Variants in SLC9A3 observed in about 807,000 individuals in gnomAD.
SLC9A3 encodes the protein sodium/hydrogen exchanger 3.
A neutral mutation model predicts 86.8 loss-of-function variants in SLC9A3; 37 were observed. That is an observed-to-expected ratio of 0.43 (90% CI 0.33 to 0.56). The LOEUF is 0.56. Ranked by LOEUF, SLC9A3 falls within the 20% of genes least tolerant of loss-of-function variation. The pLI is 0.06. For synonymous variants in SLC9A3, 581 were observed against 528.3 expected (o/e 1.10, Z -1.37); for missense variants, 1,011 against 1,171.9 (o/e 0.86, Z 2.00).
At position 491,970 on chromosome 5, in the gene SLC9A3, T is replaced by C. The variant is rs746691223; in HGVS notation, c.313A>G (p.Ile105Val). 10 of 1,606,976 alleles carry C rather than the reference T, an allele frequency of 6.2e-6. No individual in the cohort carries two copies. In the South Asian group the frequency reaches 7.8e-5, roughly 12 times the overall value. Residue 105 changes from isoleucine to valine, a missense_variant, in exon 2 of 17, where the codon ATC becomes GTC. By Grantham distance (29) the Ile-to-Val change is conservative. Around this residue, in one of 3 missense-constraint regions of SLC9A3, gnomAD observed 565 missense variants for 790.0 expected, o/e 0.72. Coordinates refer to ENST00000264938, the MANE Select transcript of SLC9A3 (RefSeq NM_004174.4). This position sits in a 1 kb window ranked among gnomAD's most constrained non-coding sequence, Gnocchi z 9.2. ...LGGIVWAADH[I>V]ASFTLTPTVF... ...GTGGGCGTCAGTGTGAAGGACGCGA[T>C]GTGGTCGGCCGCCCAGACGATGCCG...
chr5:495,082 C>A lies in SLC9A3; in HGVS notation c.212-3011G>T, dbSNP rs562048597. Among the ~76,000 whole-genome samples, 309 of 144,402 alleles carry A rather than the reference C, an allele frequency of 2.1e-3. 1 individual carries two copies. The highest frequency in any genetic ancestry group is 3.5e-3 in the Middle Eastern group (1 of 284). 94.7% of individuals were successfully genotyped at this position (144,402 alleles called of 152,430 possible). A position where few individuals can be genotyped will look rare whatever the true frequency, so the allele number is the denominator to read the frequency against. On this transcript the variant is annotated intron_variant, in intron 1 of 16. Coordinates refer to ENST00000264938, the MANE Select transcript of SLC9A3 (RefSeq NM_004174.4). ...TAAAATCCAGCGACCACAGAGACCG[C>A]GTGTCCCCAGGTGGGGGGGCGCCGT...
chr5:493,834 G>A (rs560667866), intron 1 of SLC9A3, among the ~76,000 whole-genome samples: 77 of 152,250 alleles, frequency 5.1e-4, no homozygotes, highest in African/African-American at 1.4e-3. Flanking sequence ...CCCCCACTCC[G>A]GGCTGCACAT....
chr5:497,818 G>A lies in SLC9A3; in HGVS notation c.212-5747C>T, dbSNP rs1191857889. 5.3e-5 allele frequency among the ~76,000 whole-genome samples: 2 copies of A among 37,870 alleles called. No individual in the cohort carries two copies. Among genetic ancestry groups the A allele is most frequent in the East Asian group, 8.4e-4 (1 of 1,186 alleles). 24.8% of individuals were successfully genotyped at this position (37,870 alleles called of 152,430 possible). On this transcript the variant is annotated intron_variant, in intron 1 of 16. Transcript: ENST00000264938. This position sits in a 1 kb window ranked among gnomAD's most constrained non-coding sequence, Gnocchi z 5.4. The stretch of plus-strand genomic sequence containing the variant: ...GCCCCTGTCCCGGGTGGGGTCGCCC[G>A]GCCGCATCCCCAGCCTCTGCCCCTG...
In SLC9A3 at chr5:475,010, G is replaced by A. The variant is rs368047255; in HGVS notation, c.2374C>T (p.Pro792Ser). Residue 792 changes from proline to serine, a missense_variant, in exon 16 of 17, where the codon CCC becomes TCC. By Grantham distance (74) the Pro-to-Ser change is moderately conservative (BLOSUM62 -1). Transcript: ENST00000264938. ...CGGCAGAAGGTGCCGGGAGAGTAGG[G>A]AATCTGCGTGCGGGCCCTCTGCGAG... ...VPSQRARTQI[P>S]YSPGTFCRLM... is the part of the protein sequence containing the mutation. The A allele has an allele frequency of 4.0e-5, 64 of 1,612,266 alleles. 1 individual carries two copies. The highest frequency in any genetic ancestry group is 5.3e-5 in the Non-Finnish European group (63 of 1,179,788).
intron 6 of SLC9A3, among the ~76,000 whole-genome samples, 188 bp from the exon 7 acceptor site, chr5:482,938 C>T (rs1040687309): frequency 1.5e-4 from 23 of 151,248 alleles, no homozygotes; most frequent in African/African-American, 5.6e-4. Context: ...CTGGCGTCTC[C>T]CCCCCACGCT....
At chr5:475,375 C>T in intron 15 of SLC9A3, 186 bp downstream of exon 15, 1 of 618,018 alleles carries the variant, frequency 1.6e-6, no homozygotes, top group Non-Finnish European at 2.8e-6. Context: ...CGGCCCACGT[C>T]TCCCCGGACA....
At chr5:501,576 A>G (rs1168676104) in intron 1 of SLC9A3, among the ~76,000 whole-genome samples, 2 of 152,124 alleles carry the variant, frequency 1.3e-5, no homozygotes, top group Admixed American at 6.5e-5. Context: ...GCAGAGACGC[A>G]GAGACGTGCA....
In SLC9A3 at chr5:496,472, G is replaced by A. The variant is rs1400024226; in HGVS notation, c.212-4401C>T. On this transcript the variant is annotated intron_variant, in intron 1 of 16. Transcript: ENST00000264938. The surrounding 1 kb of genome is among the most constrained non-coding windows in gnomAD (Gnocchi z 4.7). ...TCGGCTTGCTCCCCTGCCGGGCACT[G>A]ATCCTTTCCTATTGACACGAGGTTC... 6.6e-6 allele frequency among the ~76,000 whole-genome samples: 1 copy of A among 152,226 alleles called. No homozygotes were observed. The highest frequency in any genetic ancestry group is 2.4e-5 in the African/African-American group (1 of 41,456).
At chr5:482,861 C>T (rs549297126) in intron 6 of SLC9A3, 111 bp from the exon 7 acceptor site, 46 of 834,842 alleles carry the variant, frequency 5.5e-5, no homozygotes, top group East Asian at 4.9e-4. Flanking sequence ...CGAAGAACAG[C>T]GGCACCCTAG....
chr5:512,284 G>A (rs1733576510), intron 1 of SLC9A3, among the ~76,000 whole-genome samples: 2 of 144,772 alleles, frequency 1.4e-5, no homozygotes, highest in South Asian at 2.2e-4. Context: ...TACCAAGAAC[G>A]AGCCCTAACG....
At chr5:490,324 TGGAGTGCAGCGTGGCGAGGGGCAGGGGA>T (rs1411578279) in intron 2 of SLC9A3, among the ~76,000 whole-genome samples, 12 of 92,446 alleles carry the variant, frequency 1.3e-4, no homozygotes, top group African/African-American at 4.8e-4. Flanking sequence ...GGGGCAGGGG[TGGAGTGCAGCGTGGCGAGGGGCAGGGGA>T]GGGCCAGGGG....
chr5:517,857 C>T (rs572912118), intron 1 of SLC9A3, among the ~76,000 whole-genome samples: 2 of 151,516 alleles, frequency 1.3e-5, no homozygotes, highest in Admixed American at 1.3e-4. Context: ...ACCCATCTGA[C>T]CATTCACTCA....
At chr5:509,052 G>A (rs1560972539) in intron 1 of SLC9A3, among the ~76,000 whole-genome samples, 2 of 151,898 alleles carry the variant, frequency 1.3e-5, no homozygotes, top group East Asian at 3.9e-4. Context: ...AGGCTGCTGT[G>A]AGCTGAGATC....
intron 1 of SLC9A3, among the ~76,000 whole-genome samples, chr5:516,469 G>T (rs1434190188): frequency 6.6e-6 from 1 of 152,200 alleles, no homozygotes; most frequent in Non-Finnish European, 1.5e-5. Flanking sequence ...GTTCTATTCT[G>T]TGTCCCAGGA....
In SLC9A3 at chr5:476,221, C is replaced by T. The variant is rs755154955; in HGVS notation, c.2048G>A (p.Arg683Gln). ...QNKKAAKLYKRERAQKRRNSS... is the reference protein window; with the variant it reads ...QNKKAAKLYKQERAQKRRNSS... ...CCTTACCCGCTTCTGGGCACGCTCC[C>T]GCTTGTACAGCTTGGCCGCCTTCTT... Residue 683 changes from arginine (R) to glutamine (Q), a missense_variant, in exon 13 of 17, where the codon CGG (arginine) becomes CAG (glutamine). Around this residue, in one of 3 missense-constraint regions of SLC9A3, gnomAD observed 397 missense variants for 346.3 expected, o/e 1.15. Transcript: ENST00000264938. 3 of 1,613,818 alleles carry T rather than the reference C, an allele frequency of 1.9e-6. No homozygotes were observed. Among genetic ancestry groups the T allele is most frequent in the South Asian group, 1.1e-5 (1 of 91,082 alleles).
chr5:475,482 T>A, intron 15 of SLC9A3, 79 bp downstream of exon 15: 3 of 831,580 alleles, frequency 3.6e-6, no homozygotes, highest in Non-Finnish European at 5.9e-6. Flanking sequence ...CCAGTGCCCC[T>A]GGTCCAATGA....
chr5:517,567 C>T (rs1276344293), intron 1 of SLC9A3, among the ~76,000 whole-genome samples: 1 of 151,954 alleles, frequency 6.6e-6, no homozygotes, highest in African/African-American at 2.4e-5. Flanking sequence ...CCCATCCATC[C>T]ATTCACCCAT....
chr5:489,437 G>A (rs60942300), intron 2 of SLC9A3, among the ~76,000 whole-genome samples: 4,788 of 152,288 alleles, frequency 0.031, 183 homozygotes, highest in African/African-American at 0.087. Context: ...GTTTGTCCCT[G>A]GAGCCGGACG....
At chr5:502,283 C>T (rs968139486) in intron 1 of SLC9A3, among the ~76,000 whole-genome samples, 4 of 152,210 alleles carry the variant, frequency 2.6e-5, no homozygotes, top group Non-Finnish European at 4.4e-5. Flanking sequence ...GCTCCGGCCC[C>T]CCACCCCCAG....
Sources: allele counts gnomAD v4.1 joint callset (sites outside exome capture counted in the v4.1 genomes callset), GRCh38; gene constraint gnomAD v4.1.1; regional missense constraint gnomAD v4.1.1; non-coding constraint Gnocchi (gnomAD v3.1); transcripts MANE v1.5; gene names NCBI Gene and HGNC (gene_info 2026-07-23, HGNC 2026-07-21).